SLC25A21: variants seen among roughly 807,000 people sequenced by gnomAD.
SLC25A21 encodes mitochondrial 2-oxodicarboxylate carrier.
SLC25A21 carries 47 observed loss-of-function variants against 43.8 expected under a neutral mutation model. The ratio of observed to expected loss-of-function variants is 1.07; its 90% CI spans 0.85 to 1.37. SLC25A21 has a LOEUF of 1.37. Among genes scored for constraint, SLC25A21 ranks in the 40% most tolerant of loss-of-function variants. The probability of loss-of-function intolerance (pLI) is 0.00; values close to 1 mark genes in which losing one functional copy is unlikely to be tolerated. For missense variants in SLC25A21, 352 were observed against 350.2 expected (o/e 1.00, Z -0.04); for synonymous variants, 131 against 121.3 (o/e 1.08, Z -0.52).
At chr14:37,149,286 CAG>C (rs1416803208) in intron 1 of SLC25A21, among the ~76,000 whole-genome samples, 2 of 152,216 alleles carry the variant, frequency 1.3e-5, no homozygotes, top group East Asian at 3.9e-4. Context: ...ATGAAAGAAA[CAG>C]AAAATCTACT....
chr14:36,831,583 A>G (rs1889041632), intron 2 of SLC25A21, among the ~76,000 whole-genome samples: 1 of 152,174 alleles, frequency 6.6e-6, no homozygotes, highest in South Asian at 2.1e-4. Context: ...AGAATCCTGA[A>G]TTTACAAATT....
intron 3 of SLC25A21, among the ~76,000 whole-genome samples, chr14:36,756,205 G>C (rs1433734278): frequency 2.6e-5 from 4 of 152,222 alleles, no homozygotes; most frequent in Non-Finnish European, 5.9e-5. Flanking sequence ...GAGAAGGGAA[G>C]CGGGGGCAGC....
chr14:36,812,037 G>A (rs908342797), intron 3 of SLC25A21, among the ~76,000 whole-genome samples: 1 of 151,740 alleles, frequency 6.6e-6, no homozygotes, highest in East Asian at 1.9e-4. Flanking sequence ...AATAGTCAAA[G>A]GATTAGTATC....
chr14:36,721,171 T>C (rs550385665), intron 6 of SLC25A21, among the ~76,000 whole-genome samples: 1 of 152,352 alleles, frequency 6.6e-6, no homozygotes, highest in African/African-American at 2.4e-5. Flanking sequence ...TTTGCATATA[T>C]TAACACATTA....
intron 7 of SLC25A21, among the ~76,000 whole-genome samples, chr14:36,705,161 C>T (rs1883458790): frequency 6.6e-6 from 1 of 151,986 alleles, no homozygotes. Flanking sequence ...CTGCCTTAGC[C>T]TCCCAAGTAG....
At chr14:36,720,488 T>C (rs945670342) in intron 6 of SLC25A21, among the ~76,000 whole-genome samples, 3 of 152,366 alleles carry the variant, frequency 2.0e-5, no homozygotes, top group East Asian at 3.9e-4. Flanking sequence ...TACCTATCTG[T>C]AAAATAAGCA....
chr14:36,977,058 G>C (rs1959891084), intron 1 of SLC25A21, among the ~76,000 whole-genome samples: 1 of 152,192 alleles, frequency 6.6e-6, no homozygotes, highest in Admixed American at 6.5e-5. Flanking sequence ...CAAAACATTT[G>C]CATGCCCTGT....
At chr14:37,006,666 T>C (rs1199004728) in intron 1 of SLC25A21, among the ~76,000 whole-genome samples, 2 of 152,144 alleles carry the variant, frequency 1.3e-5, no homozygotes, top group Non-Finnish European at 2.9e-5. Context: ...TTAATTTCCT[T>C]AATTCCTATT....
At chr14:37,129,373 T>C (rs1487273870) in intron 1 of SLC25A21, among the ~76,000 whole-genome samples, 4 of 152,228 alleles carry the variant, frequency 2.6e-5, no homozygotes, top group African/African-American at 9.6e-5. Context: ...TGTTATCTTG[T>C]GCAGTTCCAT....
At chr14:36,966,376 A>G (rs182881330) in intron 1 of SLC25A21, among the ~76,000 whole-genome samples, 3 of 152,312 alleles carry the variant, frequency 2.0e-5, no homozygotes, top group Admixed American at 1.3e-4. Context: ...AAGGCAAATT[A>G]GAGGAAATTC....
intron 1 of SLC25A21, among the ~76,000 whole-genome samples, chr14:37,054,925 C>A (rs1961788341): frequency 6.6e-6 from 1 of 152,148 alleles, no homozygotes; most frequent in South Asian, 2.1e-4. Flanking sequence ...GAAAAAAATG[C>A]ACAGAGGGCA....
intron 2 of SLC25A21, among the ~76,000 whole-genome samples, chr14:36,859,443 G>T (rs1889999473): frequency 6.6e-6 from 1 of 152,212 alleles, no homozygotes; most frequent in Admixed American, 6.5e-5. Flanking sequence ...CTTGTCACCA[G>T]CATCAAGCCG....
At chr14:36,749,845 C>G (rs766403917) in intron 3 of SLC25A21, among the ~76,000 whole-genome samples, 1 of 152,198 alleles carries the variant, frequency 6.6e-6, no homozygotes, top group Non-Finnish European at 1.5e-5. Flanking sequence ...TGTTGCAGCA[C>G]CCCCATCTGA....
intron 1 of SLC25A21, among the ~76,000 whole-genome samples, chr14:37,140,694 C>T (rs948302217): frequency 6.6e-6 from 1 of 152,158 alleles, no homozygotes; most frequent in Admixed American, 6.5e-5. Flanking sequence ...TAAAAACATT[C>T]TTTTGAAGAA....
At chr14:36,880,016 C>T (rs1890664919) in intron 1 of SLC25A21, among the ~76,000 whole-genome samples, 1 of 152,104 alleles carries the variant, frequency 6.6e-6, no homozygotes, top group African/African-American at 2.4e-5. Flanking sequence ...TCCCAGAAAT[C>T]CTGGGGCAAA....
intron 2 of SLC25A21, among the ~76,000 whole-genome samples, chr14:36,814,306 C>T (rs1385221331): frequency 1.3e-5 from 2 of 152,130 alleles, no homozygotes; most frequent in African/African-American, 2.4e-5. Context: ...ACACAGATAT[C>T]GTAGATTGTT....
At chr14:36,870,974 G>C (rs1890353255) in intron 2 of SLC25A21, 1 of 152,148 alleles carries the variant, frequency 6.6e-6, no homozygotes, top group South Asian at 2.1e-4. Flanking sequence ...GGGTGAAAAG[G>C]ACACGTGTGG....
At chr14:37,163,294 T>TA (rs375063885) in intron 1 of SLC25A21, among the ~76,000 whole-genome samples, 29 of 147,782 alleles carry the variant, frequency 2.0e-4, no homozygotes, top group African/African-American at 5.4e-4. Context: ...AGTATAATAA[T>TA]AATAAATAAA....
rs775217229 is a variant in SLC25A21 at position 36,813,980 on chromosome 14, T to C, written c.141A>G (p.Ala47=). ...VKTRFQIQRC[A]TDPNSYKSLV... is the part of the protein sequence containing the mutation. The stretch of plus-strand genomic sequence containing the variant: ...AGCTTTTATAACTGTTTGGATCGGT[T>C]GCACATCTCTGAATCTGAAACCTAG... Residue 47 remains alanine, a synonymous_variant, in exon 3 of 10, where the codon GCA becomes GCG. Transcript: ENST00000331299. 1 of 1,606,874 alleles carries C rather than the reference T, an allele frequency of 6.2e-7. No individual in the cohort carries two copies. Among genetic ancestry groups the C allele is most frequent in the South Asian group, 1.1e-5 (1 of 88,668 alleles).
Sources: gnomAD v4.1 joint callset for allele counts (sites outside exome capture counted in the v4.1 genomes callset) on GRCh38, gnomAD v4.1.1 for gene constraint, MANE v1.5 for transcripts, NCBI Gene and HGNC (gene_info 2026-07-23, HGNC 2026-07-21) for gene names.